THNSL2: variants seen among roughly 807,000 people sequenced by gnomAD.
THNSL2 encodes the protein threonine synthase like 2.
THNSL2 carries 34 observed loss-of-function variants against 40.0 expected under a neutral mutation model. That is an observed-to-expected ratio of 0.85 (90% CI 0.65 to 1.13). The LOEUF is 1.13. Ranked by LOEUF, THNSL2 falls within the 50% of genes most tolerant of loss-of-function variation. The pLI is 0.00. For missense variants in THNSL2, 537 were observed against 608.8 expected, an observed-to-expected ratio of 0.88 and a Z score of 1.24; for synonymous variants, 241 against 247.5, an observed-to-expected ratio of 0.97 and a Z score of 0.25.
rs765098170 is a variant in THNSL2, at chr2:88,175,394, G to T, written c.564G>T (p.Val188=). The T allele has an allele frequency of 5.6e-5, 91 of 1,614,018 alleles. No individual in the cohort carries two copies. In the African/African-American group the frequency reaches 9.9e-4, roughly 18 times the overall value. ...CGGTGCTGAAGCAGAACGTACATGT[G>T]TTTGGAGGTGTGTGCTGAGGCAGAG... ...MTTVLKQNVH[V]FGVEGNSDEL... Residue 188 remains valine, a synonymous_variant, in exon 4 of 9, where the codon GTG becomes GTT. Transcript: ENST00000674334.
chr2:88,171,439 A>G (rs373477881), intron 1 of THNSL2: 7 of 408,472 alleles, frequency 1.7e-5, no homozygotes, highest in South Asian at 1.2e-4. Flanking sequence ...CCTTCCACCC[A>G]GGGAAGGGCA....
At chr2:88,185,288 C>T in intron 7 of THNSL2, 40 bp from the exon 8 acceptor site, 1 of 1,580,818 alleles carries the variant, frequency 6.3e-7, no homozygotes, top group East Asian at 2.2e-5. Flanking sequence ...TCCCTACATC[C>T]CCCCCCCACA....
At chr2:88,173,950 A>G (rs543612973) in intron 2 of THNSL2, among the ~76,000 whole-genome samples, 3 of 152,214 alleles carry the variant, frequency 2.0e-5, no homozygotes, top group African/African-American at 4.8e-5. Flanking sequence ...CACACTTTAA[A>G]CAGCAAGAAC....
At chr2:88,173,712 A>C (rs1000502816) in intron 2 of THNSL2, among the ~76,000 whole-genome samples, 1 of 151,662 alleles carries the variant, frequency 6.6e-6, no homozygotes, top group Non-Finnish European at 1.5e-5. Context: ...TCCTTCCTTC[A>C]CATAAAGCAC....
At position 88,178,977 on chromosome 2, in the gene THNSL2, G is replaced by A. The variant is rs764697277; in HGVS notation, c.766G>A (p.Val256Met). The change falls in exon 5 of 9, where the codon GTG becomes ATG. Residue 256 changes from valine (V) to methionine (M), a missense_variant. Coordinates refer to ENST00000674334, the MANE Select transcript of THNSL2 (RefSeq NM_018271.5). ...LDTHPLPLVE[V>M]VVPTGAAGNL... The stretch of plus-strand genomic sequence containing the variant: ...CACACATCCCCTACCCCTGGTGGAG[G>A]TGGTTGTGCCAACAGGGGCTGCCGG... 1 of 1,614,224 alleles carries A rather than the reference G, an allele frequency of 6.2e-7. No individual in the cohort carries two copies. Among genetic ancestry groups the A allele is most frequent in the South Asian group, 1.1e-5 (1 of 91,088 alleles).
At chr2:88,183,162 A>T in intron 7 of THNSL2, 89 bp downstream of exon 7, 1 of 1,532,978 alleles carries the variant, frequency 6.5e-7, no homozygotes, top group Non-Finnish European at 8.8e-7. Context: ...AGGGAAGAGG[A>T]CACCTGTTTC....
chr2:88,183,254 C>A, intron 7 of THNSL2, 181 bp downstream of exon 7: 1 of 826,370 alleles, frequency 1.2e-6, no homozygotes, highest in Non-Finnish European at 1.8e-6. Context: ...TAATAGAGAA[C>A]ATGGTTTAGA....
intron 4 of THNSL2, chr2:88,177,220 T>C (rs1035448055): frequency 6.6e-6 from 1 of 152,260 alleles, no homozygotes; most frequent in Non-Finnish European, 1.5e-5. Flanking sequence ...AAATCAGTTT[T>C]GTTTATAAAC....
chr2:88,175,527 C>A, intron 4 of THNSL2, 126 bp downstream of exon 4: 1 of 1,301,458 alleles, frequency 7.7e-7, no homozygotes, highest in African/African-American at 1.5e-5. Context: ...TCATCATATT[C>A]GAGGTTGGTG....
At chr2:88,175,089 T>C (rs1022957655) in intron 3 of THNSL2, among the ~76,000 whole-genome samples, 160 bp from the exon 4 acceptor site, 2 of 152,252 alleles carry the variant, frequency 1.3e-5, no homozygotes, top group African/African-American at 4.8e-5. Context: ...CTGAATTTTA[T>C]CCGTGGATCC....
At chr2:88,180,459 T>C (rs1335536005) in intron 5 of THNSL2, among the ~76,000 whole-genome samples, 3 of 152,140 alleles carry the variant, frequency 2.0e-5, no homozygotes, top group South Asian at 4.2e-4. Flanking sequence ...GTAATCCCAG[T>C]TACTCAGGAG....
At chr2:88,185,293 C>CA (rs1257916306) in intron 7 of THNSL2, 35 bp from the exon 8 acceptor site, 1 of 1,593,998 alleles carries the variant, frequency 6.3e-7, no homozygotes, top group African/African-American at 1.3e-5. Context: ...ACATCCCCCC[C>CA]CCACACCTCA....
chr2:88,171,581 G>A, intron 1 of THNSL2: 1 of 240,686 alleles, frequency 4.2e-6, no homozygotes, highest in Non-Finnish European at 8.7e-6. Flanking sequence ...GTTACTCCAC[G>A]GTCTTGGGCA....
Position 88,185,689 on chromosome 2 carries a change from T to C in THNSL2, c.1230-209T>C, listed in dbSNP as rs1462592711. The C allele has an allele frequency of 3.2e-6, 5 of 1,551,404 alleles. No individual in the cohort carries two copies. In the African/African-American group the frequency reaches 6.8e-5, roughly 21 times the overall value. On this transcript the variant is annotated intron_variant, in intron 8 of 8. Transcript: ENST00000674334. ...GACAGCCATGGTCAGAGGTGGTGGCTGAGCTGGCCTCCAACCAGGAGGAGC... is the reference window on the plus strand; with the variant it reads ...GACAGCCATGGTCAGAGGTGGTGGCCGAGCTGGCCTCCAACCAGGAGGAGC...
Position 88,182,960 on chromosome 2 carries a change from A to T in THNSL2, c.964A>T (p.Met322Leu). The T allele has an allele frequency of 6.2e-7, 1 of 1,614,142 alleles. No homozygotes were observed. The highest frequency in any genetic ancestry group is 8.5e-7 in the Non-Finnish European group (1 of 1,180,022). The change falls in exon 7 of 9, where the codon ATG becomes TTG. Residue 322 changes from methionine to leucine, a missense_variant. Met to Leu is a conservative substitution (Grantham distance 15). Transcript: ENST00000674334. ...ACTTTCTGCTCAGGTGCCCTACAAC[A>T]TGGAGAGGGTGTTCTGGCTGCTCTC... ...SAMDIQVPYN[M>L]ERVFWLLSGS...
chr2:88,183,720 G>A (rs1330196167), intron 7 of THNSL2: 1 of 151,260 alleles, frequency 6.6e-6, no homozygotes, highest in African/African-American at 2.4e-5. Flanking sequence ...TGGAATGATA[G>A]GAATCTAATT....
Position 88,182,979 on chromosome 2 carries a change from T to A in THNSL2, c.983T>A (p.Leu328Gln). 6.2e-7 allele frequency: 1 copy of A among 1,614,178 alleles called. No individual in the cohort carries two copies. Among genetic ancestry groups the A allele is most frequent in the Non-Finnish European group, 8.5e-7 (1 of 1,180,026 alleles). ...VPYNMERVFW[L>Q]LSGSDSQVTR... is the part of the protein sequence containing the mutation. ...TACAACATGGAGAGGGTGTTCTGGC[T>A]GCTCTCTGGCTCTGACAGCCAGGTG... Residue 328 changes from leucine to glutamine, a missense_variant, in exon 7 of 9, where the codon CTG becomes CAG. By Grantham distance (113) the Leu-to-Gln change is moderately radical. Transcript: ENST00000674334.
At chr2:88,182,678 C>G in intron 5 of THNSL2, 21 bp from the exon 6 acceptor site, 1 of 1,520,784 alleles carries the variant, frequency 6.6e-7, no homozygotes, top group Non-Finnish European at 8.9e-7. Context: ...AGCCATTGTT[C>G]TCCTCCTCTC....
Position 88,178,769 on chromosome 2 carries a change from C to CT in THNSL2, c.572-13dup. ...ATGCTCCTGACAGCTGCCCTCTTCT[C>CT]TCCCCCCTGGCAGTGGAGGGAAACA... On this transcript the variant is annotated splice_polypyrimidine_tract_variant and intron_variant, in intron 4 of 8. Coordinates refer to ENST00000674334, the MANE Select transcript of THNSL2 (RefSeq NM_018271.5). 6.2e-7 allele frequency: 1 copy of CT among 1,613,904 alleles called. No individual in the cohort carries two copies.
Sources: gnomAD v4.1 joint callset for allele counts (sites outside exome capture counted in the v4.1 genomes callset) on GRCh38, gnomAD v4.1.1 for gene constraint, MANE v1.5 for transcripts, NCBI Gene and HGNC (gene_info 2026-07-23, HGNC 2026-07-21) for gene names.